The following DMRT1 variants were observed in gnomAD, a reference collection of about 807,000 sequenced individuals.
The protein encoded by DMRT1 is doublesex and mab-3 related transcription factor 1, also known as doublesex- and mab-3-related transcription factor 1.
Under a neutral mutation model 32.3 loss-of-function variants are expected in DMRT1, and 7 were observed. The ratio of observed to expected loss-of-function variants is 0.22; its 90% CI spans 0.12 to 0.41. The LOEUF is 0.41. Ranked by LOEUF, DMRT1 falls within the 10% of genes least tolerant of loss-of-function variation. The probability of loss-of-function intolerance (pLI) is 1.00; values close to 1 mark genes in which losing one functional copy is unlikely to be tolerated. For synonymous variants in DMRT1, 278 were observed against 206.1 expected, an observed-to-expected ratio of 1.35 and a Z score of -2.99; for missense variants, 625 against 500.5, an observed-to-expected ratio of 1.25 and a Z score of -2.37.
chr9:938,840 T>G (rs56396283), intron 4 of DMRT1, among the ~76,000 whole-genome samples: 2 of 152,386 alleles, frequency 1.3e-5, no homozygotes, highest in Non-Finnish European at 2.9e-5. Context: ...AGCATTATTA[T>G]TTCACCATTG....
chr9:922,314 A>G (rs907788060), intron 4 of DMRT1, among the ~76,000 whole-genome samples: 1 of 152,152 alleles, frequency 6.6e-6, no homozygotes, highest in Non-Finnish European at 1.5e-5. Context: ...TTTGAAGATC[A>G]CTTGTCTAGT....
chr9:906,109 G>C (rs1817768881), intron 3 of DMRT1, among the ~76,000 whole-genome samples: 1 of 151,960 alleles, frequency 6.6e-6, no homozygotes, highest in African/African-American at 2.4e-5. Flanking sequence ...TGATGCTTTT[G>C]GTCATTCTTG....
chr9:857,663 A>G (rs1331068735), intron 2 of DMRT1, among the ~76,000 whole-genome samples: 3 of 151,840 alleles, frequency 2.0e-5, no homozygotes, highest in Non-Finnish European at 4.4e-5. Flanking sequence ...TTTAGGGTAC[A>G]TGTGCACAAC....
chr9:957,312 C>A (rs565662806), intron 4 of DMRT1, among the ~76,000 whole-genome samples: 3 of 152,214 alleles, frequency 2.0e-5, no homozygotes, highest in Non-Finnish European at 4.4e-5. Flanking sequence ...GACTAAACCT[C>A]TTTAGGGTTA....
At chr9:848,834 C>T (rs1051655768) in intron 2 of DMRT1, among the ~76,000 whole-genome samples, 1 of 129,390 alleles carries the variant, frequency 7.7e-6, no homozygotes, top group Non-Finnish European at 1.7e-5. Context: ...GGATTACAGG[C>T]GTGAGCTGCC....
chr9:939,771 G>A (rs919628795), intron 4 of DMRT1, among the ~76,000 whole-genome samples: 3 of 152,132 alleles, frequency 2.0e-5, no homozygotes, highest in Non-Finnish European at 4.4e-5. Context: ...AAGTTTTATA[G>A]TTTCTTTCAT....
chr9:935,413 T>G (rs1320790673), intron 4 of DMRT1, among the ~76,000 whole-genome samples: 1 of 152,190 alleles, frequency 6.6e-6, no homozygotes, highest in South Asian at 2.1e-4. Context: ...TTGTTTTAAT[T>G]TGACACACTC....
intron 4 of DMRT1, among the ~76,000 whole-genome samples, chr9:956,963 A>G (rs948385550): frequency 6.6e-6 from 1 of 152,126 alleles, no homozygotes; most frequent in Admixed American, 6.5e-5. Context: ...TTTAATTTTT[A>G]TTTTAGATTC....
chr9:875,465 T>C (rs890887820), intron 2 of DMRT1, among the ~76,000 whole-genome samples: 2 of 152,228 alleles, frequency 1.3e-5, no homozygotes, highest in African/African-American at 4.8e-5. Flanking sequence ...CACATAGTTT[T>C]TGATACTTGA....
intron 3 of DMRT1, among the ~76,000 whole-genome samples, chr9:907,246 A>G (rs899325419): frequency 6.6e-5 from 10 of 152,174 alleles, no homozygotes; most frequent in African/African-American, 2.4e-4. Context: ...CTCTCCAGCC[A>G]TTTTACTGAA....
chr9:950,415 A>T (rs1461572099), intron 4 of DMRT1, among the ~76,000 whole-genome samples: 1 of 152,008 alleles, frequency 6.6e-6, no homozygotes, highest in Non-Finnish European at 1.5e-5. Context: ...CCACATTCAG[A>T]TCCTGAGTAC....
In DMRT1 at chr9:842,237, T is replaced by C. The variant is rs1342939940; in HGVS notation, c.354+45T>C. ...AGCCCGGGTTCAGCCTTAGTTTTTT[T>C]TTTTTTTTTTTTTTTTAGATGGAGT... On this transcript the variant is annotated intron_variant, in intron 1 of 4. Coordinates refer to ENST00000382276, the MANE Select transcript of DMRT1 (RefSeq NM_021951.3). 47 of 1,493,588 alleles carry C rather than the reference T, an allele frequency of 3.1e-5. No homozygotes were observed. The African/African-American group carries it at 6.3e-4, about 20-fold the overall frequency. 92.5% of individuals were successfully genotyped at this position (1,493,588 alleles called of 1,614,324 possible). A position where few individuals can be genotyped will look rare whatever the true frequency, so the allele number is the denominator to read the frequency against.
chr9:930,585 T>C (rs1002674055), intron 4 of DMRT1, among the ~76,000 whole-genome samples: 3 of 152,014 alleles, frequency 2.0e-5, no homozygotes, highest in African/African-American at 7.3e-5. Flanking sequence ...ATCCTTTGTA[T>C]TTTTAGTAGA....
intron 2 of DMRT1, among the ~76,000 whole-genome samples, chr9:871,764 G>A (rs963490091): frequency 1.3e-5 from 2 of 151,188 alleles, no homozygotes; most frequent in Non-Finnish European, 1.5e-5. Context: ...GTGAGCAACC[G>A]TGCCTGGCCG....
chr9:872,643 T>C (rs1425286704), intron 2 of DMRT1, among the ~76,000 whole-genome samples: 2 of 152,258 alleles, frequency 1.3e-5, no homozygotes, highest in Non-Finnish European at 2.9e-5. Flanking sequence ...TGTTGTAGCA[T>C]GTTTCAGGAC....
intron 2 of DMRT1, among the ~76,000 whole-genome samples, chr9:875,704 C>A (rs57670450): frequency 2.6e-5 from 4 of 152,088 alleles, no homozygotes; most frequent in African/African-American, 9.7e-5. Context: ...TCTTTGTAGT[C>A]ATTTCTTTCA....
chr9:889,373 C>A (rs1817054583), intron 2 of DMRT1, among the ~76,000 whole-genome samples: 1 of 152,194 alleles, frequency 6.6e-6, no homozygotes, highest in East Asian at 1.9e-4. Flanking sequence ...TTCCAAAGTT[C>A]AAATGGTTTT....
chr9:913,347 G>C (rs1028476066), intron 3 of DMRT1, among the ~76,000 whole-genome samples: 1 of 152,112 alleles, frequency 6.6e-6, no homozygotes, highest in African/African-American at 2.4e-5. Context: ...CTAATTCAGT[G>C]TTCACTACTC....
At chr9:964,576 G>A (rs1419830355) in intron 4 of DMRT1, among the ~76,000 whole-genome samples, 1 of 152,130 alleles carries the variant, frequency 6.6e-6, no homozygotes, top group Non-Finnish European at 1.5e-5. Flanking sequence ...TAAATGCTGG[G>A]AGGCTATCAA....
Sources: gnomAD v4.1 joint callset for allele counts (sites outside exome capture counted in the v4.1 genomes callset) on GRCh38, gnomAD v4.1.1 for gene constraint, MANE v1.5 for transcripts, NCBI Gene and HGNC (gene_info 2026-07-23, HGNC 2026-07-21) for gene names.